NFASC: variants seen among roughly 807,000 people sequenced by gnomAD.
NFASC encodes neurofascin.
A neutral mutation model predicts 147.5 loss-of-function variants in NFASC; 43 were observed. The ratio of observed to expected loss-of-function variants is 0.29; its 90% CI spans 0.23 to 0.38. NFASC has a LOEUF of 0.38. Among genes scored for constraint, NFASC ranks in the 10% least tolerant of loss-of-function variants. The pLI is 1.00. For synonymous variants in NFASC, 622 were observed against 665.5 expected, an observed-to-expected ratio of 0.93 and a Z score of 1.01; for missense variants, 1,320 against 1,689.0, an observed-to-expected ratio of 0.78 and a Z score of 3.83.
intron 1 of NFASC, among the ~76,000 whole-genome samples, chr1:204,876,236 A>T (rs1182969135): frequency 6.6e-6 from 1 of 151,874 alleles, no homozygotes; most frequent in Non-Finnish European, 1.5e-5. Flanking sequence ...TGTAACCACC[A>T]CTCCAATCAA....
intron 21 of NFASC, chr1:204,983,876 TCAAGTAC>T: frequency 1.7e-6 from 1 of 595,280 alleles, no homozygotes; most frequent in Non-Finnish European, 3.1e-6. Flanking sequence ...CACCACTTTT[TCAAGTAC>T]TGTCTCATGG....
At position 205,018,296 on chromosome 1, in the gene NFASC, G is replaced by T. The variant is rs1001844997; in HGVS notation, c.*1757G>T. The T allele has an allele frequency of 6.6e-6, 1 of 152,462 alleles. No homozygotes were observed. The highest frequency in any genetic ancestry group is 1.5e-5 in the Non-Finnish European group (1 of 68,052). 9.4% of individuals were successfully genotyped at this position (152,462 alleles called of 1,614,324 possible). A position where few individuals can be genotyped will look rare whatever the true frequency, so the allele number is the denominator to read the frequency against. On this transcript the variant is annotated 3_prime_UTR_variant, in exon 30 of 30. Coordinates refer to ENST00000339876, the MANE Select transcript of NFASC (RefSeq NM_001005388.3). ...TGAGCCTCTCCGGCTGCCAGCCAGG[G>T]GGCCTGGGCCAGACCAGGGCTCTGT...
intron 24 of NFASC, among the ~76,000 whole-genome samples, chr1:204,996,877 C>G (rs2095855889): frequency 6.6e-6 from 1 of 152,168 alleles, no homozygotes; most frequent in Non-Finnish European, 1.5e-5. Context: ...CAGCCCGTGC[C>G]CCCTTCCCGT....
chr1:204,908,021 A>G (rs532502783), intron 1 of NFASC, among the ~76,000 whole-genome samples: 1 of 152,044 alleles, frequency 6.6e-6, no homozygotes, highest in South Asian at 2.1e-4. Context: ...TTGTTCTGTC[A>G]CTAGAGCCAG....
At chr1:204,982,772 C>T (rs956929922) in intron 21 of NFASC, among the ~76,000 whole-genome samples, 7 of 152,186 alleles carry the variant, frequency 4.6e-5, no homozygotes, top group African/African-American at 1.7e-4. Context: ...GCCTTTGCGC[C>T]CTGTTGAGTC....
chr1:204,828,706 G>C lies in NFASC; in HGVS notation c.-276G>C. On this transcript the variant is annotated 5_prime_UTR_variant, in exon 1 of 30. Coordinates refer to ENST00000339876, the MANE Select transcript of NFASC (RefSeq NM_001005388.3). Reference sequence around the variant, plus strand: ...GCGGCTGGCGGCGAGAGGCGCTGCAGGGGACGCGGGGGAAGTGGCGGCGCC... The same window carrying C: ...GCGGCTGGCGGCGAGAGGCGCTGCACGGGACGCGGGGGAAGTGGCGGCGCC... 1 of 985,406 alleles carries C rather than the reference G, an allele frequency of 1.0e-6. No homozygotes were observed. Among genetic ancestry groups the C allele is most frequent in the Non-Finnish European group, 1.2e-6 (1 of 829,998 alleles). The allele number at this position is 985,406 out of a possible 1,614,324, so 61.0% of individuals were successfully genotyped here.
At chr1:204,911,747 C>T (rs1361431723) in intron 1 of NFASC, among the ~76,000 whole-genome samples, 1 of 152,064 alleles carries the variant, frequency 6.6e-6, no homozygotes, top group East Asian at 1.9e-4. Flanking sequence ...CTAGAGAAAC[C>T]ATCTGGCCTG....
intron 1 of NFASC, among the ~76,000 whole-genome samples, chr1:204,897,660 A>G (rs564198639): frequency 9.7e-4 from 147 of 150,786 alleles, no homozygotes; most frequent in Non-Finnish European, 1.6e-3. Context: ...TGCAGCCTCA[A>G]CCTCCTGGGT....
intron 1 of NFASC, among the ~76,000 whole-genome samples, chr1:204,849,420 G>T (rs987052489): frequency 6.6e-6 from 1 of 152,156 alleles, no homozygotes. Flanking sequence ...CTGCATCTGA[G>T]GCACTGGGGG....
intron 1 of NFASC, among the ~76,000 whole-genome samples, chr1:204,836,617 T>C (rs150771232): frequency 2.7e-4 from 41 of 152,372 alleles, no homozygotes; most frequent in African/African-American, 9.4e-4. Flanking sequence ...GATAAATTTA[T>C]ATGCAAGACA....
chr1:204,959,205 G>A (rs183226610), intron 8 of NFASC, among the ~76,000 whole-genome samples: 15 of 148,504 alleles, frequency 1.0e-4, no homozygotes, highest in African/African-American at 3.2e-4. Context: ...TCTAATCATC[G>A]CCTCCTGCCT....
chr1:204,988,872 T>A (rs757484599), intron 23 of NFASC, 66 bp downstream of exon 23: 1 of 1,478,340 alleles, frequency 6.8e-7, no homozygotes, highest in East Asian at 2.3e-5. Flanking sequence ...AGAGAAACAC[T>A]GAGATCTGTA....
chr1:204,966,315 A>G (rs2094946535), intron 8 of NFASC, among the ~76,000 whole-genome samples: 1 of 152,080 alleles, frequency 6.6e-6, no homozygotes, highest in South Asian at 2.1e-4. Context: ...GGTGTAAATT[A>G]AACGTCCATA....
At chr1:204,832,427 G>A (rs991339336) in intron 1 of NFASC, among the ~76,000 whole-genome samples, 4 of 148,232 alleles carry the variant, frequency 2.7e-5, no homozygotes, top group Admixed American at 2.6e-4. Flanking sequence ...TCACACACCT[G>A]CAAGGTGTGT....
At chr1:204,885,376 C>A (rs536272705) in intron 1 of NFASC, among the ~76,000 whole-genome samples, 1 of 147,538 alleles carries the variant, frequency 6.8e-6, no homozygotes, top group East Asian at 2.5e-4. Context: ...CCTTCACCCT[C>A]CCCTTTGCCC....
chr1:204,979,600 G>T lies in NFASC; in HGVS notation c.2176+41G>T, dbSNP rs758117471. 1.9e-6 allele frequency: 3 copies of T among 1,576,810 alleles called. No individual in the cohort carries two copies. Among genetic ancestry groups the T allele is most frequent in the Middle Eastern group, 1.8e-4 (1 of 5,568 alleles). ...CTGCCAGAGAAGGCTCCGGAACCCC[G>T]CACCCCAAACTCACACTGAGATCCC... On this transcript the variant is annotated intron_variant, in intron 19 of 29. Coordinates refer to ENST00000339876, the MANE Select transcript of NFASC (RefSeq NM_001005388.3). The surrounding 1 kb of genome is among the most constrained non-coding windows in gnomAD (Gnocchi z 6.0).
intron 1 of NFASC, among the ~76,000 whole-genome samples, chr1:204,916,733 G>GTTTTTT (rs747647369): frequency 1.3e-5 from 2 of 151,694 alleles, no homozygotes; most frequent in African/African-American, 4.8e-5. Flanking sequence ...TTTGTTTTTT[G>GTTTTTT]TTTTTTTATT....
intron 1 of NFASC, among the ~76,000 whole-genome samples, chr1:204,862,117 A>T (rs2076730975): frequency 1.3e-5 from 2 of 152,228 alleles, no homozygotes; most frequent in South Asian, 4.1e-4. Flanking sequence ...CTGTGTAGGA[A>T]TAGCCTTCAG....
chr1:204,996,442 G>A (rs780357281), intron 24 of NFASC, among the ~76,000 whole-genome samples: 21 of 152,254 alleles, frequency 1.4e-4, no homozygotes, highest in Middle Eastern at 3.4e-3. Flanking sequence ...AGAGAGAAAG[G>A]CAGTTATAAG....
Sources: gnomAD v4.1 joint callset for allele counts (sites outside exome capture counted in the v4.1 genomes callset) on GRCh38, gnomAD v4.1.1 for gene constraint, Gnocchi (gnomAD v3.1) non-coding constraint, MANE v1.5 for transcripts, NCBI Gene and HGNC (gene_info 2026-07-23, HGNC 2026-07-21) for gene names.